KCNH8: variants seen among roughly 807,000 people sequenced by gnomAD.
The protein encoded by KCNH8 is potassium voltage-gated channel subfamily H member 8.
A neutral mutation model predicts 103.6 loss-of-function variants in KCNH8; 70 were observed. The observed-to-expected ratio is 0.68, with a 90% confidence interval of 0.56 to 0.82. The LOEUF (loss-of-function observed/expected upper bound fraction) is 0.82, where lower values mean the gene tolerates loss of function less well. Ranked by LOEUF, KCNH8 falls within the 40% of genes least tolerant of loss-of-function variation. The pLI is 0.00. For synonymous variants in KCNH8, 498 were observed against 489.4 expected (o/e 1.02, Z -0.23); for missense variants, 1,217 against 1,329.9 (o/e 0.92, Z 1.32).
intron 8 of KCNH8, among the ~76,000 whole-genome samples, chr3:19,440,518 C>T (rs981596797): frequency 6.6e-6 from 1 of 152,142 alleles, no homozygotes; most frequent in Admixed American, 6.5e-5. Flanking sequence ...TGCAGGGGAA[C>T]TGCCCTTTAT....
intron 1 of KCNH8, among the ~76,000 whole-genome samples, chr3:19,190,062 A>G (rs990881694): frequency 1.3e-5 from 2 of 151,924 alleles, no homozygotes; most frequent in South Asian, 2.1e-4. Context: ...GAGACAAAAT[A>G]CCTTTGCTTG....
At chr3:19,221,019 A>G (rs1333904414) in intron 1 of KCNH8, among the ~76,000 whole-genome samples, 1 of 152,216 alleles carries the variant, frequency 6.6e-6, no homozygotes, top group African/African-American at 2.4e-5. Context: ...TTTAACCACA[A>G]TAGGTTTGTT....
intron 11 of KCNH8, among the ~76,000 whole-genome samples, chr3:19,492,879 GTGTGTGA>G (rs1162898469): frequency 9.6e-6 from 1 of 103,688 alleles, no homozygotes; most frequent in Non-Finnish European, 2.0e-5. Flanking sequence ...GTGTGTGTGT[GTGTGTGA>G]TTTCTGACTT....
chr3:19,254,347 T>A (rs1332645483), intron 2 of KCNH8, among the ~76,000 whole-genome samples: 1 of 151,908 alleles, frequency 6.6e-6, no homozygotes, highest in Non-Finnish European at 1.5e-5. Context: ...AAAAAAAAAA[T>A]TGGCATATGC....
intron 12 of KCNH8, among the ~76,000 whole-genome samples, chr3:19,511,960 A>C (rs2068790885): frequency 1.3e-5 from 2 of 152,194 alleles, no homozygotes; most frequent in Admixed American, 6.6e-5. Context: ...CACCAAAAAA[A>C]ACAACTATTC....
rs115510527 is a variant in KCNH8, at chr3:19,348,645, C to T, written c.811+680C>T. Among the ~76,000 whole-genome samples the T allele has an allele frequency of 1.7e-3, 262 of 152,120 alleles. No homozygotes were observed. The Middle Eastern group carries it at 0.021, about 12-fold the overall frequency. ...TAGCTCTGGCTTGCTCATTCTAGGA[C>T]AGATTCCGGGTCTGTAAGTCACAGA... On this transcript the variant is annotated intron_variant, in intron 5 of 15. Coordinates refer to ENST00000328405, the MANE Select transcript of KCNH8 (RefSeq NM_144633.3).
chr3:19,436,028 A>T (rs992834361), intron 7 of KCNH8, among the ~76,000 whole-genome samples: 1 of 152,202 alleles, frequency 6.6e-6, no homozygotes, highest in South Asian at 2.1e-4. Flanking sequence ...TACTGGGTCC[A>T]TGGTAACTAT....
chr3:19,234,503 C>T (rs1258073065), intron 1 of KCNH8, among the ~76,000 whole-genome samples: 2 of 152,228 alleles, frequency 1.3e-5, no homozygotes, highest in Non-Finnish European at 2.9e-5. Flanking sequence ...CCCTCACTGC[C>T]CCAGGCGGGT....
At chr3:19,494,766 AG>A (rs915988712) in intron 11 of KCNH8, among the ~76,000 whole-genome samples, 3 of 152,132 alleles carry the variant, frequency 2.0e-5, no homozygotes, top group African/African-American at 7.2e-5. Flanking sequence ...TAGGTCTTTG[AG>A]GAGTCACCGC....
intron 1 of KCNH8, among the ~76,000 whole-genome samples, chr3:19,242,290 C>T (rs186553261): frequency 5.3e-5 from 8 of 152,256 alleles, no homozygotes; most frequent in Non-Finnish European, 7.4e-5. Context: ...CACCATTCCA[C>T]GGTCATACCA....
At chr3:19,182,483 A>T (rs1174924722) in intron 1 of KCNH8, among the ~76,000 whole-genome samples, 2 of 152,206 alleles carry the variant, frequency 1.3e-5, no homozygotes, top group Non-Finnish European at 2.9e-5. Flanking sequence ...GTGAGCCAAG[A>T]TCGCGCCACT....
At chr3:19,328,867 CT>C (rs1208361270) in intron 3 of KCNH8, among the ~76,000 whole-genome samples, 1 of 152,044 alleles carries the variant, frequency 6.6e-6, no homozygotes, top group Non-Finnish European at 1.5e-5. Flanking sequence ...TATGCAGGGA[CT>C]TTTTTTCTTT....
In KCNH8 at chr3:19,148,630, T is replaced by A; in HGVS notation, c.-90T>A. 7.8e-7 allele frequency: 1 copy of A among 1,281,160 alleles called. No homozygotes were observed. Among genetic ancestry groups the A allele is most frequent in the Admixed American group, 1.7e-5 (1 of 59,484 alleles). The allele number at this position is 1,281,160 out of a possible 1,614,324, so 79.4% of individuals were successfully genotyped here. A position where few individuals can be genotyped will look rare whatever the true frequency, so the allele number is the denominator to read the frequency against. The stretch of plus-strand genomic sequence containing the variant: ...GCCGGGTCCCCCTTCCCTGCCGTCA[T>A]CAGGTTCCCCTTCTCCCTTCTTGGC... On this transcript the variant is annotated 5_prime_UTR_variant, in exon 1 of 16. Coordinates refer to ENST00000328405, the MANE Select transcript of KCNH8 (RefSeq NM_144633.3).
intron 5 of KCNH8, among the ~76,000 whole-genome samples, chr3:19,362,765 G>T (rs1240644772): frequency 6.6e-6 from 1 of 152,090 alleles, no homozygotes; most frequent in East Asian, 1.9e-4. Flanking sequence ...CCAGGGTGAT[G>T]CTCCTACCTC....
At chr3:19,375,305 G>A (rs6114184) in intron 5 of KCNH8, among the ~76,000 whole-genome samples, 1 of 147,578 alleles carries the variant, frequency 6.8e-6, no homozygotes, top group Non-Finnish European at 1.5e-5. Context: ...TTGCTCATTT[G>A]TTTTTATTCT....
chr3:19,197,746 C>T lies in KCNH8; in HGVS notation c.76+48951C>T, dbSNP rs189968435. Among the ~76,000 whole-genome samples the T allele has an allele frequency of 3.2e-3, 485 of 151,504 alleles. 3 individuals are homozygous for T. Among genetic ancestry groups the T allele is most frequent in the Non-Finnish European group, 5.4e-3 (365 of 67,872 alleles). On this transcript the variant is annotated intron_variant, in intron 1 of 15. Transcript: ENST00000328405. Reference sequence around the variant, plus strand: ...TGGAATTACATAAGTTAATACATGTCGAGTCCTTACAGATATATTTGCTTC... The same window carrying T: ...TGGAATTACATAAGTTAATACATGTTGAGTCCTTACAGATATATTTGCTTC...
At chr3:19,504,317 A>C (rs191991903) in intron 11 of KCNH8, among the ~76,000 whole-genome samples, 180 of 152,360 alleles carry the variant, frequency 1.2e-3, no homozygotes, top group African/African-American at 4.1e-3. Flanking sequence ...AGCAATTGCA[A>C]CAAAAGCAAA....
chr3:19,490,337 A>G (rs769551439), intron 11 of KCNH8, among the ~76,000 whole-genome samples: 1 of 152,146 alleles, frequency 6.6e-6, no homozygotes, highest in Non-Finnish European at 1.5e-5. Context: ...CCAAAAACCG[A>G]GCTCCCCGAG....
intron 7 of KCNH8, among the ~76,000 whole-genome samples, chr3:19,419,120 T>C (rs2066905919): frequency 6.6e-6 from 1 of 152,030 alleles, no homozygotes; most frequent in Non-Finnish European, 1.5e-5. Context: ...TCATCATGCA[T>C]GTGTATGTGG....
Sources: allele counts gnomAD v4.1 joint callset (sites outside exome capture counted in the v4.1 genomes callset), GRCh38; gene constraint gnomAD v4.1.1; transcripts MANE v1.5; gene names NCBI Gene and HGNC (gene_info 2026-07-23, HGNC 2026-07-21).